Variants in TENM2 observed in about 807,000 individuals in gnomAD.
TENM2 encodes teneurin transmembrane protein 2.
In TENM2, 52 loss-of-function variants were observed where a neutral mutation model predicts 245.2. The observed-to-expected ratio is 0.21, with a 90% CI of 0.17 to 0.27. The LOEUF is 0.27. TENM2 is among the 10% of genes least tolerant of loss of function. The pLI is 1.00. For missense variants in TENM2, 3,046 were observed against 3,666.8 expected, an observed-to-expected ratio of 0.83 and a Z score of 4.37; for synonymous variants, 1,363 against 1,438.9, an observed-to-expected ratio of 0.95 and a Z score of 1.19.
the TENM2 span, among the ~76,000 whole-genome samples, chr5:167,079,258 CATAT>C: frequency 1.4e-3 from 194 of 140,730 alleles, no homozygotes; most frequent in African/African-American, 5.0e-3. Flanking sequence ...TATATACATC[CATAT>C]ATATATATAC....
intron 2 of TENM2, among the ~76,000 whole-genome samples, chr5:167,471,003 T>C (rs1324862950): frequency 6.6e-6 from 1 of 152,174 alleles, no homozygotes; most frequent in African/African-American, 2.4e-5. Flanking sequence ...AATCAGTCTT[T>C]AGAATCCCTG....
chr5:168,040,035 A>G (rs1426948698), intron 5 of TENM2, among the ~76,000 whole-genome samples: 3 of 152,268 alleles, frequency 2.0e-5, no homozygotes, highest in Admixed American at 2.0e-4. Context: ...TGTCATGAGA[A>G]TAGATTAATT....
chr5:168,248,840 A>G (rs775740669), intron 27 of TENM2, among the ~76,000 whole-genome samples: 6 of 152,234 alleles, frequency 3.9e-5, no homozygotes. Flanking sequence ...ACAGCTGGGC[A>G]TGGTGGCTCA....
chr5:168,207,161 A>G (rs1762411813), intron 19 of TENM2, among the ~76,000 whole-genome samples: 2 of 152,186 alleles, frequency 1.3e-5, no homozygotes, highest in Admixed American at 1.3e-4. Flanking sequence ...GTAAGTCTTT[A>G]GGGCCTAAGC....
rs71593149 is a variant in TENM2 at position 167,827,628 on chromosome 5, C to CAG, written c.503-48358_503-48357insAG. On this transcript the variant is annotated intron_variant, in intron 2 of 28. Transcript: ENST00000518659. ...TTATTATGGCAAGGAGCTAGGTGGG[C>CAG]GGGGGGGGGGGAACAGTTTAATGAG... Among the ~76,000 whole-genome samples, 13 of 34,226 alleles carry CAG rather than the reference C, an allele frequency of 3.8e-4. 1 individual carries two copies. The highest frequency in any genetic ancestry group is 7.4e-4 in the Non-Finnish European group (13 of 17,642). The allele number at this position is 34,226 out of a possible 152,430, so 22.5% of individuals were successfully genotyped here. A position where few individuals can be genotyped will look rare whatever the true frequency, so the allele number is the denominator to read the frequency against.
the TENM2 span, among the ~76,000 whole-genome samples, chr5:167,040,114 A>G: frequency 2.6e-5 from 4 of 152,108 alleles, no homozygotes; most frequent in South Asian, 4.1e-4. Context: ...TATTTTCACT[A>G]TATCAAAAAT....
intron 4 of TENM2, among the ~76,000 whole-genome samples, chr5:167,960,041 A>G (rs1895348): frequency 0.089 from 13,600 of 152,254 alleles, 652 homozygotes; most frequent in Non-Finnish European, 0.11. Context: ...GACAGCAAAG[A>G]CTGCTGCCTG....
At chr5:168,243,896 G>T (rs140207162) in intron 25 of TENM2, among the ~76,000 whole-genome samples, 1 of 149,174 alleles carries the variant, frequency 6.7e-6, no homozygotes, top group Non-Finnish European at 1.5e-5. Context: ...ATATTCTATT[G>T]CATATTGCAC....
chr5:167,706,200 T>A (rs1758509768), intron 2 of TENM2, among the ~76,000 whole-genome samples: 1 of 146,120 alleles, frequency 6.8e-6, no homozygotes, highest in Admixed American at 6.9e-5. Context: ...TCATATACTA[T>A]ATAATTATAT....
At chr5:167,916,667 G>C (rs922593802) in intron 3 of TENM2, among the ~76,000 whole-genome samples, 1 of 152,156 alleles carries the variant, frequency 6.6e-6, no homozygotes, top group Non-Finnish European at 1.5e-5. Context: ...ACCTTGAAAG[G>C]CTGAGACGCC....
chr5:167,988,064 T>C (rs1647330751), intron 4 of TENM2, among the ~76,000 whole-genome samples: 1 of 152,176 alleles, frequency 6.6e-6, no homozygotes, highest in South Asian at 2.1e-4. Flanking sequence ...GTTTATGCAG[T>C]GCTGAAAAGC....
At chr5:167,916,014 T>C (rs952432561) in intron 3 of TENM2, among the ~76,000 whole-genome samples, 4 of 152,204 alleles carry the variant, frequency 2.6e-5, no homozygotes, top group African/African-American at 9.7e-5. Context: ...AATGAGGATT[T>C]TAAAAAGGGC....
intron 5 of TENM2, among the ~76,000 whole-genome samples, chr5:168,004,831 A>G (rs1784701280): frequency 6.6e-6 from 1 of 151,776 alleles, no homozygotes; most frequent in African/African-American, 2.4e-5. Flanking sequence ...GTCACGGTTA[A>G]TTTTTTTTAA....
intron 1 of TENM2, among the ~76,000 whole-genome samples, chr5:167,351,822 C>A (rs1758934112): frequency 6.6e-6 from 1 of 150,718 alleles, no homozygotes; most frequent in Non-Finnish European, 1.5e-5. Flanking sequence ...ATCGCAGAGT[C>A]CCCAGGGATC....
At chr5:167,926,761 CACAA>C (rs1259107358) in intron 3 of TENM2, among the ~76,000 whole-genome samples, 37 of 146,630 alleles carry the variant, frequency 2.5e-4, no homozygotes, top group African/African-American at 8.9e-4. Flanking sequence ...CACACACACA[CACAA>C]GACCTTAGTG....
At position 167,642,985 on chromosome 5, in the gene TENM2, A is replaced by G. The variant is rs145646423; in HGVS notation, c.503-233001A>G. The stretch of plus-strand genomic sequence containing the variant: ...TGCTCAGCGGATGTTCCCACCGCTC[A>G]CTGCAAAGGGGATGTGACTTTGTAA... On this transcript the variant is annotated intron_variant, in intron 2 of 28. Transcript: ENST00000518659. 5.3e-5 allele frequency among the ~76,000 whole-genome samples: 8 copies of G among 152,332 alleles called. No homozygotes were observed. The East Asian group carries it at 1.5e-3, about 29-fold the overall frequency.
At chr5:167,821,438 TTTGA>T (rs1767517484) in intron 2 of TENM2, among the ~76,000 whole-genome samples, 1 of 151,982 alleles carries the variant, frequency 6.6e-6, no homozygotes, top group Non-Finnish European at 1.5e-5. Flanking sequence ...AGATGACAAG[TTTGA>T]TTGGGAAGGA....
At chr5:167,110,982 T>A in the TENM2 span, among the ~76,000 whole-genome samples, 34 of 152,160 alleles carry the variant, frequency 2.2e-4, 1 homozygote, top group South Asian at 6.8e-3. Context: ...TATTTTGAGT[T>A]CTCTCTCTCT....
chr5:167,132,776 C>A, the TENM2 span, among the ~76,000 whole-genome samples: 1 of 152,168 alleles, frequency 6.6e-6, no homozygotes, highest in Non-Finnish European at 1.5e-5. Flanking sequence ...ATTTATGGAA[C>A]AGAATATAAA....
Sources: allele counts gnomAD v4.1 joint callset (sites outside exome capture counted in the v4.1 genomes callset), GRCh38; gene constraint gnomAD v4.1.1; transcripts MANE v1.5; gene names NCBI Gene and HGNC (gene_info 2026-07-23, HGNC 2026-07-21).